The following NCOA2 variants were observed in gnomAD, a reference collection of about 807,000 sequenced individuals.
NCOA2 encodes the protein class E basic helix-loop-helix protein 75.
Under a neutral mutation model 145.1 loss-of-function variants are expected in NCOA2, and 21 were observed. That is an observed-to-expected ratio of 0.14 (90% confidence interval 0.10 to 0.21). NCOA2 has a LOEUF of 0.21. NCOA2 is among the 10% of genes least tolerant of loss of function. The pLI is 1.00. For missense variants in NCOA2, 1,472 were observed against 1,837.6 expected, an observed-to-expected ratio of 0.80 and a Z score of 3.64; for synonymous variants, 619 against 637.5, an observed-to-expected ratio of 0.97 and a Z score of 0.44.
chr8:70,249,968 A>G (rs1822985657), intron 2 of NCOA2, among the ~76,000 whole-genome samples: 1 of 146,784 alleles, frequency 6.8e-6, no homozygotes, highest in Non-Finnish European at 1.5e-5. Context: ...GCCTCCAAAA[A>G]AAAAAAAAAA....
chr8:70,340,733 C>A (rs539818518), intron 1 of NCOA2, among the ~76,000 whole-genome samples: 2 of 152,034 alleles, frequency 1.3e-5, no homozygotes, highest in African/African-American at 4.8e-5. Context: ...ATATAAACCA[C>A]GGAATACTAT....
intron 22 of NCOA2, among the ~76,000 whole-genome samples, chr8:70,119,774 T>C (rs895560609): frequency 4.5e-4 from 68 of 152,350 alleles, no homozygotes; most frequent in African/African-American, 1.6e-3. Context: ...ATGGTTTTTA[T>C]TTGTATTTCT....
At chr8:70,362,854 G>A (rs1810333600) in intron 1 of NCOA2, among the ~76,000 whole-genome samples, 1 of 151,982 alleles carries the variant, frequency 6.6e-6, no homozygotes, top group East Asian at 1.9e-4. Context: ...AAGGTGGGAG[G>A]ACTGTTTAAG....
In NCOA2 at chr8:70,365,064, A is replaced by ATACT. The variant is rs538036115; in HGVS notation, c.-77+38635_-77+38636insAGTA. Reference sequence around the variant, plus strand: ...TAGAACATATGTGTCTGGGCTCAGTAGCTCATGTGTGTAATCCCAATATTT... The same window carrying ATACT: ...TAGAACATATGTGTCTGGGCTCAGTATACTGCTCATGTGTGTAATCCCAATATTT... On this transcript the variant is annotated intron_variant, in intron 1 of 22. Coordinates refer to ENST00000452400, the MANE Select transcript of NCOA2 (RefSeq NM_006540.4). Among the ~76,000 whole-genome samples, 139 of 152,294 alleles carry ATACT rather than the reference A, an allele frequency of 9.1e-4. 1 individual carries two copies. Among genetic ancestry groups the ATACT allele is most frequent in the African/African-American group, 3.2e-3 (132 of 41,560 alleles).
At chr8:70,260,984 A>G (rs920169610) in intron 2 of NCOA2, among the ~76,000 whole-genome samples, 18 of 152,194 alleles carry the variant, frequency 1.2e-4, no homozygotes, top group Non-Finnish European at 2.5e-4. Flanking sequence ...AGAAATAGGA[A>G]CACTTTCACA....
At chr8:70,254,019 T>C (rs1472504242) in intron 2 of NCOA2, among the ~76,000 whole-genome samples, 3 of 152,260 alleles carry the variant, frequency 2.0e-5, no homozygotes, top group East Asian at 1.9e-4. Context: ...ATCCAGAATA[T>C]ATGAAGAACT....
intron 1 of NCOA2, among the ~76,000 whole-genome samples, chr8:70,376,991 T>C (rs879408823): frequency 6.6e-6 from 1 of 152,054 alleles, no homozygotes; most frequent in Non-Finnish European, 1.5e-5. Context: ...AATCTAAATT[T>C]TGAAAAATAT....
At chr8:70,340,376 C>CA (rs1485632457) in intron 1 of NCOA2, among the ~76,000 whole-genome samples, 1 of 152,088 alleles carries the variant, frequency 6.6e-6, no homozygotes, top group Non-Finnish European at 1.5e-5. Flanking sequence ...AAATGCAAAT[C>CA]AAAACCACAA....
intron 2 of NCOA2, among the ~76,000 whole-genome samples, chr8:70,228,054 C>T (rs1332087230): frequency 6.8e-6 from 1 of 147,392 alleles, no homozygotes; most frequent in Admixed American, 6.8e-5. Flanking sequence ...GCAAATAACA[C>T]ATCCCTACAG....
chr8:70,140,510 G>T (rs1358439873), intron 14 of NCOA2, among the ~76,000 whole-genome samples: 1 of 151,780 alleles, frequency 6.6e-6, no homozygotes, highest in African/African-American at 2.4e-5. Flanking sequence ...TAGTCTAGGT[G>T]GTGGCCCAGG....
At chr8:70,245,288 AGCT>A (rs1245169685) in intron 2 of NCOA2, 1 of 152,028 alleles carries the variant, frequency 6.6e-6, no homozygotes, top group Non-Finnish European at 1.5e-5. Flanking sequence ...ATCCTTTTTT[AGCT>A]GCTGATCAGA....
At chr8:70,216,045 G>A (rs1819591825) in intron 3 of NCOA2, among the ~76,000 whole-genome samples, 2 of 152,060 alleles carry the variant, frequency 1.3e-5, no homozygotes, top group Non-Finnish European at 1.5e-5. Flanking sequence ...TGCAATTTGA[G>A]TAACCTCATA....
At chr8:70,442,142 A>AGAAAGAAAGAAAGAAAGAAAGAAAGAAG in the NCOA2 span, among the ~76,000 whole-genome samples, 1 of 133,574 alleles carries the variant, frequency 7.5e-6, no homozygotes, top group African/African-American at 3.2e-5. Context: ...AAAGAAAGAA[A>AGAAAGAAAGAAAGAAAGAAAGAAAGAAG]GAAAGAAAGA....
intron 1 of NCOA2, among the ~76,000 whole-genome samples, chr8:70,387,715 C>CGG (rs547534562): frequency 1.7e-3 from 5 of 3,018 alleles, no homozygotes; most frequent in Middle Eastern, 0.062. Context: ...AGGGGGAGGG[C>CGG]GGGGGGGCAG....
At chr8:70,449,075 A>T in the NCOA2 span, among the ~76,000 whole-genome samples, 1 of 152,132 alleles carries the variant, frequency 6.6e-6, no homozygotes, top group South Asian at 2.1e-4. Flanking sequence ...CAAAGCCCTG[A>T]AATTACAGGC....
chr8:70,308,284 G>T (rs1481036173), intron 1 of NCOA2, among the ~76,000 whole-genome samples: 1 of 152,132 alleles, frequency 6.6e-6, no homozygotes, highest in African/African-American at 2.4e-5. Context: ...ATGCTAGTAA[G>T]TGGTCATTTT....
At chr8:70,122,174 C>A (rs1202596681) in intron 21 of NCOA2, among the ~76,000 whole-genome samples, 3 of 152,252 alleles carry the variant, frequency 2.0e-5, no homozygotes, top group African/African-American at 7.2e-5. Flanking sequence ...ATTAGTGGCC[C>A]ATTTTTGCAG....
chr8:70,351,928 T>A (rs1047995389), intron 1 of NCOA2, among the ~76,000 whole-genome samples: 35 of 152,122 alleles, frequency 2.3e-4, no homozygotes, highest in African/African-American at 8.2e-4. Flanking sequence ...TGGTTTTGGC[T>A]CATTTAATTT....
At chr8:70,445,733 C>G in the NCOA2 span, among the ~76,000 whole-genome samples, 2 of 152,140 alleles carry the variant, frequency 1.3e-5, no homozygotes, top group Non-Finnish European at 2.9e-5. Flanking sequence ...GGCTTCCCAG[C>G]CTTGGAGTGC....
Sources: allele counts gnomAD v4.1 joint callset (sites outside exome capture counted in the v4.1 genomes callset), GRCh38; gene constraint gnomAD v4.1.1; transcripts MANE v1.5; gene names NCBI Gene and HGNC (gene_info 2026-07-23, HGNC 2026-07-21).